The following CSNK1E variants were observed in gnomAD, a reference collection of about 807,000 sequenced individuals.
CSNK1E encodes casein kinase 1 epsilon, also known as casein kinase I isoform epsilon.
In CSNK1E, 17 loss-of-function variants were observed where a neutral mutation model predicts 46.1. The observed-to-expected ratio is 0.37, with a 90% CI of 0.25 to 0.55. The LOEUF (loss-of-function observed/expected upper bound fraction) is 0.55, where lower values mean the gene tolerates loss of function less well. Among genes scored for constraint, CSNK1E ranks in the 20% least tolerant of loss-of-function variants. The probability of loss-of-function intolerance (pLI) is 0.82; values close to 1 mark genes in which losing one functional copy is unlikely to be tolerated. For missense variants in CSNK1E, 386 were observed against 595.4 expected (o/e 0.65, Z 3.66); for synonymous variants, 241 against 242.6 (o/e 0.99, Z 0.06).
In CSNK1E at chr22:38,298,486, C is replaced by T. The variant is rs1475748300; in HGVS notation, c.885+300G>A. ...AGGCAGCAATCAGGGCAGCAGGGGG[C>T]GCCGCCAGCACCACCCATGCCCTGC... On this transcript the variant is annotated intron_variant, in intron 7 of 10. Coordinates refer to ENST00000396832, the MANE Select transcript of CSNK1E (RefSeq NM_152221.3). The surrounding 1 kb of genome is among the most constrained non-coding windows in gnomAD (Gnocchi z 4.2). 1 of 409,988 alleles carries T rather than the reference C, an allele frequency of 2.4e-6. No individual in the cohort carries two copies. 25.4% of individuals were successfully genotyped at this position (409,988 alleles called of 1,614,324 possible).
intron 10 of CSNK1E, 176 bp downstream of exon 10, chr22:38,293,079 T>G: frequency 1.6e-6 from 1 of 617,320 alleles, no homozygotes; most frequent in Non-Finnish European, 2.9e-6. Flanking sequence ...TGGCCCCAAG[T>G]CAGGCAGCCT....
chr22:38,296,360 T>G, intron 7 of CSNK1E: 4 of 1,391,002 alleles, frequency 2.9e-6, no homozygotes, highest in Non-Finnish European at 3.7e-6. Flanking sequence ...CTGTATGTGC[T>G]GAGAGTGGCT....
At chr22:38,297,937 G>T (rs1279010535) in intron 7 of CSNK1E, 5 of 1,115,598 alleles carry the variant, frequency 4.5e-6, no homozygotes, top group African/African-American at 1.7e-5. Flanking sequence ...TGGGGGGACA[G>T]CTCCTCCACC....
intron 2 of CSNK1E, among the ~76,000 whole-genome samples, chr22:38,305,569 A>G (rs2092695132): frequency 6.6e-6 from 1 of 152,288 alleles, no homozygotes; most frequent in East Asian, 1.9e-4. Flanking sequence ...ATATGTAATG[A>G]GCTCCTACAA....
intron 2 of CSNK1E, among the ~76,000 whole-genome samples, chr22:38,312,050 C>T (rs748609613): frequency 3.3e-5 from 5 of 152,044 alleles, no homozygotes; most frequent in African/African-American, 4.8e-5. Context: ...GTGATCTGCC[C>T]GCCTCGGCCT....
intron 7 of CSNK1E, chr22:38,296,885 C>T (rs1218470824): frequency 3.1e-6 from 2 of 637,596 alleles, no homozygotes; most frequent in Middle Eastern, 4.2e-4. Context: ...AGCGATTCTC[C>T]TGCCTCAGCC....
chr22:38,299,524 TTTG>T (rs909021623), intron 6 of CSNK1E, among the ~76,000 whole-genome samples: 13 of 152,274 alleles, frequency 8.5e-5, no homozygotes, highest in African/African-American at 2.6e-4. Context: ...CAGTGTGGGC[TTTG>T]TTGTTGTTGT....
intron 2 of CSNK1E, among the ~76,000 whole-genome samples, chr22:38,312,137 C>T (rs1287067789): frequency 6.6e-6 from 1 of 152,234 alleles, no homozygotes; most frequent in East Asian, 1.9e-4. Context: ...CACTCTGACA[C>T]CCACGCTGGA....
chr22:38,299,081 T>C (rs1477814716), intron 6 of CSNK1E, 147 bp from the exon 7 acceptor site: 1 of 839,696 alleles, frequency 1.2e-6, no homozygotes, highest in African/African-American at 1.7e-5. Context: ...AGCCATGGCC[T>C]TCCCTATCCT....
chr22:38,308,059 G>A (rs1013309038), intron 2 of CSNK1E, among the ~76,000 whole-genome samples: 3 of 152,010 alleles, frequency 2.0e-5, no homozygotes, highest in Non-Finnish European at 2.9e-5. Flanking sequence ...CTATCTCCTC[G>A]CTCCATCCCC....
Position 38,290,782 on chromosome 22 carries a change from T to A in CSNK1E, c.*1189A>T, listed in dbSNP as rs1279838003. ...ATTTACACAGGAAAAAAGTACAAAA[T>A]TCCCCCCAAAGTTCTTCAGTTTTTT... On this transcript the variant is annotated 3_prime_UTR_variant, in exon 11 of 11. Coordinates refer to ENST00000396832, the MANE Select transcript of CSNK1E (RefSeq NM_152221.3). The A allele has an allele frequency of 6.6e-6, 1 of 150,386 alleles. No homozygotes were observed. Among genetic ancestry groups the A allele is most frequent in the Admixed American group, 6.6e-5 (1 of 15,094 alleles). 9.3% of individuals were successfully genotyped at this position (150,386 alleles called of 1,614,324 possible). A position where few individuals can be genotyped will look rare whatever the true frequency, so the allele number is the denominator to read the frequency against.
chr22:38,294,020 G>A lies in CSNK1E; in HGVS notation c.1218+89C>T. The A allele has an allele frequency of 1.4e-6, 2 of 1,462,948 alleles. No individual in the cohort carries two copies. Among genetic ancestry groups the A allele is most frequent in the Non-Finnish European group, 9.2e-7 (1 of 1,084,558 alleles). 90.6% of individuals were successfully genotyped at this position (1,462,948 alleles called of 1,614,324 possible). On this transcript the variant is annotated intron_variant, in intron 9 of 10. Coordinates refer to ENST00000396832, the MANE Select transcript of CSNK1E (RefSeq NM_152221.3). The surrounding 1 kb of genome is among the most constrained non-coding windows in gnomAD (Gnocchi z 5.5). ...CCAAGGCAAGCAGCGTCGATGGAAA[G>A]GGAAGAACAGAGCCACGGCCTGACC...
intron 4 of CSNK1E, among the ~76,000 whole-genome samples, chr22:38,301,606 G>A (rs904614396): frequency 6.6e-6 from 1 of 152,020 alleles, no homozygotes; most frequent in Non-Finnish European, 1.5e-5. Flanking sequence ...CTAATTTTTT[G>A]TATTTTTAGC....
intron 6 of CSNK1E, among the ~76,000 whole-genome samples, chr22:38,299,610 G>C (rs561576060): frequency 6.6e-6 from 1 of 152,192 alleles, no homozygotes; most frequent in African/African-American, 2.4e-5. Flanking sequence ...TGCAACCTCC[G>C]CTTCCCAGGT....
chr22:38,295,227 C>G (rs2092633946), intron 7 of CSNK1E, among the ~76,000 whole-genome samples: 1 of 152,180 alleles, frequency 6.6e-6, no homozygotes, highest in Non-Finnish European at 1.5e-5. Flanking sequence ...GGCCACGTTC[C>G]CCACGGAGGA....
chr22:38,296,139 G>A (rs1190126796), intron 7 of CSNK1E: 41 of 990,194 alleles, frequency 4.1e-5, no homozygotes, highest in Admixed American at 6.1e-5. Flanking sequence ...TGCCAGCCCC[G>A]AGGCAAGAAG....
At chr22:38,301,761 T>A (rs529361390) in intron 4 of CSNK1E, among the ~76,000 whole-genome samples, 1 of 152,178 alleles carries the variant, frequency 6.6e-6, no homozygotes, top group East Asian at 1.9e-4. Context: ...CTAATATCCA[T>A]CCACATGCCG....
intron 2 of CSNK1E, among the ~76,000 whole-genome samples, chr22:38,308,732 T>C (rs1360113530): frequency 1.3e-5 from 2 of 151,904 alleles, no homozygotes; most frequent in African/African-American, 4.8e-5. Flanking sequence ...AGCCATGCTA[T>C]GAGGAAAGGA....
At chr22:38,302,565 G>C (rs2092678360) in intron 4 of CSNK1E, among the ~76,000 whole-genome samples, 1 of 152,122 alleles carries the variant, frequency 6.6e-6, no homozygotes, top group African/African-American at 2.4e-5. Flanking sequence ...ACAAAAATTA[G>C]CCCAGCGTGG....
Sources: gnomAD v4.1 joint callset for allele counts (sites outside exome capture counted in the v4.1 genomes callset) on GRCh38, gnomAD v4.1.1 for gene constraint, Gnocchi (gnomAD v3.1) non-coding constraint, MANE v1.5 for transcripts, NCBI Gene and HGNC (gene_info 2026-07-23, HGNC 2026-07-21) for gene names.